ADAMTS3: variants seen among roughly 807,000 people sequenced by gnomAD.
ADAMTS3 encodes A disintegrin and metalloproteinase with thrombospondin motifs 3.
A neutral mutation model predicts 129.0 loss-of-function variants in ADAMTS3; 73 were observed. That is an observed-to-expected ratio of 0.57 (90% CI 0.47 to 0.69). ADAMTS3 has a LOEUF of 0.69. ADAMTS3 is among the 30% of genes least tolerant of loss of function. The pLI is 0.00. For missense variants in ADAMTS3, 1,457 were observed against 1,514.5 expected, an observed-to-expected ratio of 0.96 and a Z score of 0.63; for synonymous variants, 477 against 510.8, an observed-to-expected ratio of 0.93 and a Z score of 0.89.
At chr4:72,530,822 T>C (rs1398239138) in intron 3 of ADAMTS3, among the ~76,000 whole-genome samples, 1 of 112,866 alleles carries the variant, frequency 8.9e-6, no homozygotes, top group African/African-American at 3.4e-5. Context: ...TTATATATTA[T>C]ATAGATTATA....
intron 4 of ADAMTS3, among the ~76,000 whole-genome samples, chr4:72,344,849 C>T (rs1410771692): frequency 6.6e-6 from 1 of 152,078 alleles, no homozygotes; most frequent in East Asian, 1.9e-4. Flanking sequence ...GTAGACTCAC[C>T]ATACCAGCCC....
At chr4:72,355,801 T>C (rs1720567758) in intron 4 of ADAMTS3, among the ~76,000 whole-genome samples, 1 of 152,040 alleles carries the variant, frequency 6.6e-6, no homozygotes, top group African/African-American at 2.4e-5. Flanking sequence ...TATTTTGTTA[T>C]AATAGCACAA....
At chr4:72,426,757 C>T (rs557586702) in intron 3 of ADAMTS3, among the ~76,000 whole-genome samples, 1 of 152,090 alleles carries the variant, frequency 6.6e-6, no homozygotes, top group East Asian at 1.9e-4. Context: ...GGCATATAGG[C>T]ATGTACCTGT....
chr4:72,485,588 T>C (rs1261418768), intron 3 of ADAMTS3, among the ~76,000 whole-genome samples: 1 of 152,180 alleles, frequency 6.6e-6, no homozygotes, highest in Non-Finnish European at 1.5e-5. Flanking sequence ...AGTACTCTTG[T>C]TTCCTAACTT....
At chr4:72,520,921 C>G (rs569466495) in intron 3 of ADAMTS3, among the ~76,000 whole-genome samples, 3 of 152,092 alleles carry the variant, frequency 2.0e-5, no homozygotes, top group Non-Finnish European at 4.4e-5. Context: ...CAGAAATCAC[C>G]CGTCTTCTGC....
At chr4:72,455,427 G>C (rs987580145) in intron 3 of ADAMTS3, among the ~76,000 whole-genome samples, 1 of 151,378 alleles carries the variant, frequency 6.6e-6, no homozygotes, top group Non-Finnish European at 1.5e-5. Context: ...TGAACAATGA[G>C]AACATATGGA....
At chr4:72,324,590 CAT>C (rs1350357855) in intron 5 of ADAMTS3, among the ~76,000 whole-genome samples, 1 of 152,118 alleles carries the variant, frequency 6.6e-6, no homozygotes, top group Non-Finnish European at 1.5e-5. Context: ...TGCACACACA[CAT>C]GTACTCACAT....
chr4:72,301,386 T>C (rs1466950738), intron 17 of ADAMTS3, among the ~76,000 whole-genome samples: 1 of 152,140 alleles, frequency 6.6e-6, no homozygotes, highest in East Asian at 1.9e-4. Context: ...ATCATGTATT[T>C]CACAGAGGAC....
intron 4 of ADAMTS3, among the ~76,000 whole-genome samples, chr4:72,376,547 A>G (rs1721137777): frequency 6.6e-6 from 1 of 152,166 alleles, no homozygotes; most frequent in African/African-American, 2.4e-5. Flanking sequence ...GTTAGAATGC[A>G]TTTGAAGCAC....
chr4:72,415,237 C>A (rs1290446675), intron 3 of ADAMTS3, among the ~76,000 whole-genome samples: 1 of 151,722 alleles, frequency 6.6e-6, no homozygotes, highest in Non-Finnish European at 1.5e-5. Context: ...GGAAATCATA[C>A]AATGTATATA....
In ADAMTS3 at chr4:72,383,724, G is replaced by A. The variant is rs1721361670; in HGVS notation, c.661+31091C>T. On this transcript the variant is annotated intron_variant, in intron 4 of 21. Transcript: ENST00000286657. Reference sequence around the variant, plus strand: ...CAAAACAAAAAGCACACTATCTAGAGGACTACCACATAATGCAACATCTCT... The same window carrying A: ...CAAAACAAAAAGCACACTATCTAGAAGACTACCACATAATGCAACATCTCT... Among the ~76,000 whole-genome samples, 4 of 152,012 alleles carry A rather than the reference G, an allele frequency of 2.6e-5. No individual in the cohort carries two copies. The South Asian group carries it at 8.3e-4, about 32-fold the overall frequency.
At chr4:72,440,660 A>T (rs1279509204) in intron 3 of ADAMTS3, among the ~76,000 whole-genome samples, 1 of 151,774 alleles carries the variant, frequency 6.6e-6, no homozygotes, top group African/African-American at 2.4e-5. Context: ...ATATTCTCAC[A>T]TGACTTTGAA....
chr4:72,315,786 T>C (rs1719378214), intron 11 of ADAMTS3, 72 bp downstream of exon 11: 3 of 1,022,728 alleles, frequency 2.9e-6, no homozygotes, highest in Non-Finnish European at 2.9e-6. Flanking sequence ...GTGTTTACCA[T>C]TTTCCAGACC....
chr4:72,406,539 C>A (rs184231538), intron 4 of ADAMTS3, among the ~76,000 whole-genome samples: 5 of 152,016 alleles, frequency 3.3e-5, no homozygotes, highest in African/African-American at 1.2e-4. Flanking sequence ...TACTTAATTC[C>A]TATTTGAAAT....
chr4:72,499,398 A>T (rs957201276), intron 3 of ADAMTS3, among the ~76,000 whole-genome samples: 5 of 152,154 alleles, frequency 3.3e-5, no homozygotes, highest in African/African-American at 1.2e-4. Context: ...TCAGCAGGAT[A>T]ATCTCCTCCT....
chr4:72,314,850 A>G (rs1203991091), intron 11 of ADAMTS3, among the ~76,000 whole-genome samples: 3 of 152,188 alleles, frequency 2.0e-5, no homozygotes, highest in Non-Finnish European at 2.9e-5. Context: ...CACATTTGAA[A>G]TTGAGCTTTA....
At chr4:72,363,240 A>G (rs1720773964) in intron 4 of ADAMTS3, among the ~76,000 whole-genome samples, 1 of 152,198 alleles carries the variant, frequency 6.6e-6, no homozygotes, top group Non-Finnish European at 1.5e-5. Context: ...ACAAGGAGAT[A>G]GTATGGAAAC....
chr4:72,390,754 G>T (rs116109596), intron 4 of ADAMTS3, among the ~76,000 whole-genome samples: 1 of 151,956 alleles, frequency 6.6e-6, no homozygotes, highest in Admixed American at 6.6e-5. Context: ...CTGGGAAAGC[G>T]CTTTATTTCC....
At chr4:72,457,852 T>TTGC (rs1718665880) in intron 3 of ADAMTS3, among the ~76,000 whole-genome samples, 1 of 151,548 alleles carries the variant, frequency 6.6e-6, no homozygotes, top group East Asian at 2.0e-4. Flanking sequence ...TCTTGTTTTG[T>TTGC]TGTTGTTGTT....
Sources: gnomAD v4.1 joint callset for allele counts (sites outside exome capture counted in the v4.1 genomes callset) on GRCh38, gnomAD v4.1.1 for gene constraint, MANE v1.5 for transcripts, NCBI Gene and HGNC (gene_info 2026-07-23, HGNC 2026-07-21) for gene names.